The following TCF4 variants were observed in gnomAD, a reference collection of about 807,000 sequenced individuals.
TCF4 encodes transcription factor 4, also known as SL3-3 enhancer factor 2.
TCF4 carries 3 observed loss-of-function variants against 82.1 expected under a neutral mutation model. The observed-to-expected ratio is 0.04, with a 90% confidence interval of 0.02 to 0.09. The LOEUF (loss-of-function observed/expected upper bound fraction) is 0.09. Ranked by LOEUF, TCF4 falls within the 10% of genes least tolerant of loss-of-function variation. The pLI, the probability that TCF4 is intolerant of heterozygous loss-of-function variation, is 1.00. For synonymous variants in TCF4, 276 were observed against 309.6 expected (o/e 0.89, Z 1.14); for missense variants, 518 against 852.7 (o/e 0.61, Z 4.89).
In TCF4 at chr18:55,467,009, C is replaced by A. The variant is rs2096040799; in HGVS notation, c.146-2872G>T. 2.0e-5 allele frequency among the ~76,000 whole-genome samples: 3 copies of A among 152,104 alleles called. No homozygotes were observed. The South Asian group carries it at 6.2e-4, about 32-fold the overall frequency. ...TGCTGCACCTTTCTTTCTTTGATTG[C>A]TCTCTGTTGAACAGGCTTCCCCTTC... is the stretch of plus-strand genomic sequence containing the variant. On this transcript the variant is annotated intron_variant, in intron 3 of 19. Transcript: ENST00000354452.
intron 3 of TCF4, among the ~76,000 whole-genome samples, chr18:55,540,935 A>G (rs1322741599): frequency 6.6e-6 from 1 of 152,036 alleles, no homozygotes; most frequent in African/African-American, 2.4e-5. Context: ...ATATACAACA[A>G]AACAAAGAAT....
intron 6 of TCF4, among the ~76,000 whole-genome samples, chr18:55,376,165 G>A (rs1416206897): frequency 6.6e-6 from 1 of 151,534 alleles, no homozygotes; most frequent in Non-Finnish European, 1.5e-5. Flanking sequence ...CAGACCACAG[G>A]CATGCATCAC....
chr18:55,436,068 C>T (rs1224331653), intron 5 of TCF4, among the ~76,000 whole-genome samples: 1 of 152,176 alleles, frequency 6.6e-6, no homozygotes, highest in Non-Finnish European at 1.5e-5. Flanking sequence ...TCCAGAAAAA[C>T]TGATAGTAAT....
At chr18:55,596,565 G>A (rs764986627) in intron 2 of TCF4, among the ~76,000 whole-genome samples, 11 of 152,174 alleles carry the variant, frequency 7.2e-5, no homozygotes, top group Non-Finnish European at 1.3e-4. Flanking sequence ...AACTCAGGAA[G>A]TTTGGATCCA....
At chr18:55,419,192 A>G (rs942541574) in intron 5 of TCF4, among the ~76,000 whole-genome samples, 1 of 152,252 alleles carries the variant, frequency 6.6e-6, no homozygotes, top group African/African-American at 2.4e-5. Context: ...AGTAAAATGT[A>G]GCTGAAACTT....
At chr18:55,304,592 C>T (rs967101683) in intron 8 of TCF4, among the ~76,000 whole-genome samples, 10 of 152,058 alleles carry the variant, frequency 6.6e-5, no homozygotes, top group Admixed American at 4.6e-4. Context: ...GAGACAACAA[C>T]GAACATATCA....
intron 12 of TCF4, among the ~76,000 whole-genome samples, chr18:55,260,713 C>G (rs932905756): frequency 1.3e-5 from 2 of 152,074 alleles, no homozygotes; most frequent in African/African-American, 4.8e-5. Flanking sequence ...CATGTGCCAC[C>G]CATGCCTAGT....
At chr18:55,244,981 C>T (rs1050932534) in intron 15 of TCF4, among the ~76,000 whole-genome samples, 1 of 152,182 alleles carries the variant, frequency 6.6e-6, no homozygotes, top group African/African-American at 2.4e-5. Context: ...CAATGCTTCC[C>T]TAAAGATGTC....
intron 5 of TCF4, among the ~76,000 whole-genome samples, chr18:55,427,715 G>T (rs1453071242): frequency 1.3e-5 from 2 of 152,192 alleles, no homozygotes; most frequent in South Asian, 2.1e-4. Flanking sequence ...TACAATGAAA[G>T]TTTACAGAAA....
intron 8 of TCF4, chr18:55,284,417 AAAAAAAG>A (rs960069355): frequency 3.3e-5 from 5 of 152,246 alleles, no homozygotes; most frequent in Non-Finnish European, 5.9e-5. Context: ...GTCTCAAAAA[AAAAAAAG>A]AAAAAAGAAA....
chr18:55,508,386 T>C (rs2096787736), intron 3 of TCF4, among the ~76,000 whole-genome samples: 1 of 152,190 alleles, frequency 6.6e-6, no homozygotes, highest in African/African-American at 2.4e-5. Context: ...ATGTTAATAT[T>C]TTGTTGGATT....
chr18:55,392,025 G>A (rs1172926719), intron 6 of TCF4, among the ~76,000 whole-genome samples: 5 of 127,754 alleles, frequency 3.9e-5, no homozygotes, highest in African/African-American at 9.3e-5. Flanking sequence ...GTGCAGTGGC[G>A]TGATCTGGGC....
chr18:55,368,721 G>A (rs2088000956), intron 6 of TCF4, among the ~76,000 whole-genome samples: 1 of 152,110 alleles, frequency 6.6e-6, no homozygotes, highest in Admixed American at 6.5e-5. Flanking sequence ...CAGGAAAATG[G>A]ACCCAGTTTA....
intron 3 of TCF4, among the ~76,000 whole-genome samples, chr18:55,539,086 AG>A (rs2097143560): frequency 6.6e-6 from 1 of 152,134 alleles, no homozygotes. Flanking sequence ...ATGAGAAAAA[AG>A]TTAAATACAT....
At position 55,506,555 on chromosome 18, in the gene TCF4, A is replaced by AACAC. The variant is rs145484547; in HGVS notation, c.146-42422_146-42419dup. ...CACACACATTAAAATGTCCACATGC[A>AACAC]ACACACACACACACACATATACATA... On this transcript the variant is annotated intron_variant, in intron 3 of 19. Transcript: ENST00000354452. Among the ~76,000 whole-genome samples, 57 of 151,452 alleles carry AACAC rather than the reference A, an allele frequency of 3.8e-4. 1 individual carries two copies. The South Asian group carries it at 9.6e-3, about 26-fold the overall frequency.
chr18:55,290,338 G>C (rs1416105513), intron 8 of TCF4, among the ~76,000 whole-genome samples: 1 of 152,054 alleles, frequency 6.6e-6, no homozygotes, highest in African/African-American at 2.4e-5. Flanking sequence ...TTACCAAGAG[G>C]GGTAAAAGCC....
At chr18:55,401,908 C>T (rs2093842413) in intron 6 of TCF4, 1 of 850,584 alleles carries the variant, frequency 1.2e-6, no homozygotes, top group Admixed American at 6.2e-5. Flanking sequence ...CTTTCTTCTC[C>T]CCAAAACTCT....
intron 2 of TCF4, among the ~76,000 whole-genome samples, chr18:55,613,518 C>T (rs2097709127): frequency 6.6e-6 from 1 of 152,074 alleles, no homozygotes; most frequent in African/African-American, 2.4e-5. Context: ...TCTCACACTG[C>T]TATAAAGAGC....
At chr18:55,234,759 CT>C in intron 15 of TCF4, 76 bp from the exon 16 acceptor site, 2 of 1,600,640 alleles carry the variant, frequency 1.2e-6, no homozygotes, top group Non-Finnish European at 1.7e-6. Context: ...CCAAGAGGAC[CT>C]GATGAAGGCT....
Sources: gnomAD v4.1 joint callset for allele counts (sites outside exome capture counted in the v4.1 genomes callset) on GRCh38, gnomAD v4.1.1 for gene constraint, MANE v1.5 for transcripts, NCBI Gene and HGNC (gene_info 2026-07-23, HGNC 2026-07-21) for gene names.